Variants in UBE2E2 observed in about 807,000 individuals in gnomAD.
UBE2E2 encodes the protein ubiquitin-conjugating enzyme E2 E2.
UBE2E2 carries 6 observed loss-of-function variants against 24.7 expected under a neutral mutation model. That is an observed-to-expected ratio of 0.24 (90% CI 0.13 to 0.48). The LOEUF (loss-of-function observed/expected upper bound fraction) is 0.48, where lower values mean the gene tolerates loss of function less well. UBE2E2 is among the 20% of genes least tolerant of loss of function. The probability of loss-of-function intolerance (pLI) is 0.99; values close to 1 mark genes in which losing one functional copy is unlikely to be tolerated. For missense variants in UBE2E2, 169 were observed against 245.0 expected (o/e 0.69, Z 2.07); for synonymous variants, 104 against 83.6 (o/e 1.24, Z -1.33).
intron 3 of UBE2E2, among the ~76,000 whole-genome samples, chr3:23,315,248 G>A (rs545452440): frequency 2.0e-5 from 3 of 151,716 alleles, no homozygotes; most frequent in African/African-American, 2.4e-5. Flanking sequence ...ACAGGCCCAC[G>A]GGGAGTACTG....
chr3:23,267,694 A>G (rs1165032805), intron 3 of UBE2E2, among the ~76,000 whole-genome samples: 2 of 152,146 alleles, frequency 1.3e-5, no homozygotes, highest in Non-Finnish European at 2.9e-5. Flanking sequence ...AATCCTCCCT[A>G]ACTCATTTTA....
At chr3:23,318,002 G>C (rs912173711) in intron 3 of UBE2E2, among the ~76,000 whole-genome samples, 5 of 151,874 alleles carry the variant, frequency 3.3e-5, no homozygotes, top group Admixed American at 6.6e-5. Flanking sequence ...ACAATCAGTG[G>C]AGCTTCTATT....
chr3:23,396,313 A>ATG (rs1386708710), intron 3 of UBE2E2, among the ~76,000 whole-genome samples: 1 of 115,762 alleles, frequency 8.6e-6, no homozygotes, highest in Non-Finnish European at 1.8e-5. Context: ...TTATATATAT[A>ATG]TATATGTATA....
At chr3:23,569,401 G>C (rs1696169604) in intron 5 of UBE2E2, among the ~76,000 whole-genome samples, 1 of 152,194 alleles carries the variant, frequency 6.6e-6, no homozygotes, top group Non-Finnish European at 1.5e-5. Context: ...AAAATGGATT[G>C]TGGTAATGGT....
intron 3 of UBE2E2, among the ~76,000 whole-genome samples, chr3:23,358,259 A>G (rs1037247062): frequency 2.0e-5 from 3 of 152,222 alleles, no homozygotes; most frequent in African/African-American, 7.2e-5. Flanking sequence ...GAGAGCTCTC[A>G]GTCAGCAACT....
intron 3 of UBE2E2, among the ~76,000 whole-genome samples, chr3:23,370,075 A>G (rs1225098327): frequency 2.0e-5 from 3 of 152,194 alleles, no homozygotes; most frequent in African/African-American, 7.2e-5. Context: ...CGCAGTCACC[A>G]GAACATGTTT....
intron 3 of UBE2E2, among the ~76,000 whole-genome samples, chr3:23,412,877 A>T (rs1697526241): frequency 2.0e-5 from 3 of 152,136 alleles, no homozygotes; most frequent in Non-Finnish European, 4.4e-5. Flanking sequence ...GGTGAATCTG[A>T]TGCAGCTAAA....
chr3:23,225,676 A>G (rs558815607), intron 3 of UBE2E2, among the ~76,000 whole-genome samples: 32 of 152,300 alleles, frequency 2.1e-4, no homozygotes, highest in African/African-American at 7.5e-4. Context: ...TATGTCAGTA[A>G]CATACTGTCT....
At chr3:23,235,124 T>G (rs984743917) in intron 3 of UBE2E2, among the ~76,000 whole-genome samples, 5 of 152,200 alleles carry the variant, frequency 3.3e-5, no homozygotes, top group African/African-American at 1.2e-4. Context: ...GCTTATGTTT[T>G]AGCTGTGAAG....
At position 23,590,723 on chromosome 3, in the gene UBE2E2, A is replaced by G. The variant is rs139757089; in HGVS notation, c.*892A>G. 1.3e-5 allele frequency: 2 copies of G among 152,324 alleles called. No individual in the cohort carries two copies. Among genetic ancestry groups the G allele is most frequent in the Non-Finnish European group, 2.9e-5 (2 of 68,018 alleles). 9.4% of individuals were successfully genotyped at this position (152,324 alleles called of 1,614,324 possible). On this transcript the variant is annotated 3_prime_UTR_variant, in exon 6 of 6. Transcript: ENST00000396703. The stretch of plus-strand genomic sequence containing the variant: ...TTTCTTTGGAGTTGAGTTGCTTAGC[A>G]TGTGGAATTTCTCCAGCTGTCAGTA...
At chr3:23,579,317 G>A (rs1215204444) in intron 5 of UBE2E2, among the ~76,000 whole-genome samples, 1 of 151,428 alleles carries the variant, frequency 6.6e-6, no homozygotes, top group Admixed American at 6.6e-5. Context: ...CCCAGGAGGT[G>A]GAGCTTGCAG....
At chr3:23,509,479 C>T (rs1014304739) in intron 4 of UBE2E2, among the ~76,000 whole-genome samples, 1 of 152,142 alleles carries the variant, frequency 6.6e-6, no homozygotes, top group African/African-American at 2.4e-5. Context: ...AGCTGGGATA[C>T]AGTAGGCAGG....
intron 3 of UBE2E2, among the ~76,000 whole-genome samples, chr3:23,291,849 ATTTTTTTTTTTTT>A (rs57708620): frequency 1.6e-5 from 1 of 64,054 alleles, no homozygotes; most frequent in African/African-American, 7.1e-5. Flanking sequence ...TGCCCGGCTA[ATTTTTTTTTTTTT>A]TTTTTTTTTT....
rs5847239 is a variant in UBE2E2, at chr3:23,556,454, T to TAAAAAAAAA, written c.508+23763_508+23771dup. 1.8e-3 allele frequency among the ~76,000 whole-genome samples: 165 copies of TAAAAAAAAA among 94,154 alleles called. 1 individual carries two copies. Among genetic ancestry groups the TAAAAAAAAA allele is most frequent in the Middle Eastern group, 5.6e-3 (1 of 178 alleles). The allele number at this position is 94,154 out of a possible 152,430, so 61.8% of individuals were successfully genotyped here. A position where few individuals can be genotyped will look rare whatever the true frequency, so the allele number is the denominator to read the frequency against. Reference sequence around the variant, plus strand: ...CCATGCCCAGCCAATAAAATTTATTTAAAAAAAAAAAAAAAAAAGCTATAC... The same window carrying TAAAAAAAAA: ...CCATGCCCAGCCAATAAAATTTATTTAAAAAAAAAAAAAAAAAAAAAAAAAAAGCTATAC... On this transcript the variant is annotated intron_variant, in intron 5 of 5. Transcript: ENST00000396703.
At chr3:23,271,481 G>A (rs949774129) in intron 3 of UBE2E2, among the ~76,000 whole-genome samples, 10 of 152,156 alleles carry the variant, frequency 6.6e-5, no homozygotes, top group South Asian at 4.1e-4. Context: ...GGTTGCTGCC[G>A]CTGGCTCGGG....
Position 23,252,385 on chromosome 3 carries a change from T to C in UBE2E2, c.227+35073T>C, listed in dbSNP as rs547828433. The stretch of plus-strand genomic sequence containing the variant: ...TATGACTTAAAAAAATGAATAACAC[T>C]ATCATTCAGCTTGCTACTCTGCAGA... On this transcript the variant is annotated intron_variant, in intron 3 of 5. Transcript: ENST00000396703. Among the ~76,000 whole-genome samples the C allele has an allele frequency of 7.0e-4, 106 of 152,310 alleles. 1 individual carries two copies. The highest frequency in any genetic ancestry group is 2.5e-3 in the African/African-American group (104 of 41,568).
At chr3:23,416,815 A>T (rs999854731) in intron 3 of UBE2E2, among the ~76,000 whole-genome samples, 4 of 151,796 alleles carry the variant, frequency 2.6e-5, no homozygotes, top group African/African-American at 7.3e-5. Flanking sequence ...GCAGTCTCTG[A>T]TATCTTTTCT....
chr3:23,560,217 TC>T (rs1466065247), intron 5 of UBE2E2, among the ~76,000 whole-genome samples: 1 of 35,338 alleles, frequency 2.8e-5, no homozygotes, highest in Non-Finnish European at 5.9e-5. Flanking sequence ...CCCCTCCCCC[TC>T]CCCCCACCCC....
intron 3 of UBE2E2, among the ~76,000 whole-genome samples, chr3:23,357,410 T>TGA (rs1695987671): frequency 6.6e-6 from 1 of 152,158 alleles, no homozygotes; most frequent in Admixed American, 6.5e-5. Flanking sequence ...TGTGTGTGTG[T>TGA]GAGTGTGTAT....
Sources: gnomAD v4.1 joint callset for allele counts (sites outside exome capture counted in the v4.1 genomes callset) on GRCh38, gnomAD v4.1.1 for gene constraint, MANE v1.5 for transcripts, NCBI Gene and HGNC (gene_info 2026-07-23, HGNC 2026-07-21) for gene names.